The following NCS1 variants were observed in gnomAD, a reference collection of about 807,000 sequenced individuals.
NCS1 encodes the protein frequenin homolog.
Under a neutral mutation model 28.4 loss-of-function variants are expected in NCS1, and 6 were observed. That is an observed-to-expected ratio of 0.21 (90% CI 0.12 to 0.42). The LOEUF is 0.42. Ranked by LOEUF, NCS1 falls within the 10% of genes least tolerant of loss-of-function variation. NCS1 has a pLI of 1.00. For synonymous variants in NCS1, 86 were observed against 99.3 expected (o/e 0.87, Z 0.79); for missense variants, 131 against 241.4 (o/e 0.54, Z 3.03).
At chr9:130,185,977 A>G (rs1302232268) in intron 1 of NCS1, among the ~76,000 whole-genome samples, 1 of 152,196 alleles carries the variant, frequency 6.6e-6, no homozygotes, top group Non-Finnish European at 1.5e-5. Context: ...ATGATTCCCC[A>G]GCTCAGGTTC....
rs1251376881 is a variant in NCS1 at position 130,215,978 on chromosome 9, C to T, written c.90-1854C>T. On this transcript the variant is annotated intron_variant, in intron 2 of 7. Transcript: ENST00000372398. The surrounding 1 kb of genome is among the most constrained non-coding windows in gnomAD (Gnocchi z 4.2). The stretch of plus-strand genomic sequence containing the variant: ...CCCTCAACCGCCCTCACTCCGGCAG[C>T]AGCAGCCACAGTACTGGCAGGAGGC... Among the ~76,000 whole-genome samples, 2 of 152,182 alleles carry T rather than the reference C, an allele frequency of 1.3e-5. No individual in the cohort carries two copies. The highest frequency in any genetic ancestry group is 4.8e-5 in the African/African-American group (2 of 41,442).
chr9:130,225,331 C>T (rs1439822841), intron 6 of NCS1, among the ~76,000 whole-genome samples: 1 of 152,236 alleles, frequency 6.6e-6, no homozygotes, highest in Non-Finnish European at 1.5e-5. Context: ...GAGATTAGCC[C>T]ATGTTAGAGG....
chr9:130,176,206 T>TCTTTCTTTCTTTC (rs1832569205), intron 1 of NCS1, among the ~76,000 whole-genome samples: 1 of 97,320 alleles, frequency 1.0e-5, no homozygotes, highest in Non-Finnish European at 2.3e-5. Flanking sequence ...TTTTTTTTTT[T>TCTTTCTTTCTTTC]TTTGGAGACA....
rs147645452 is a variant in NCS1, at chr9:130,229,410, A to G, written c.*17+2906A>G. Among the ~76,000 whole-genome samples the G allele has an allele frequency of 9.1e-3, 1,384 of 151,980 alleles. 21 individuals carry two copies. Among genetic ancestry groups the G allele is most frequent in the African/African-American group, 0.032 (1,323 of 41,432 alleles). Reference sequence around the variant, plus strand: ...GCTGGGATTACAGGTGCTTGCCACCACGCCCGGCTAATTTTTGTACTTTTA... The same window carrying G: ...GCTGGGATTACAGGTGCTTGCCACCGCGCCCGGCTAATTTTTGTACTTTTA... On this transcript the variant is annotated intron_variant, in intron 7 of 7. Transcript: ENST00000372398.
Position 130,232,236 on chromosome 9 carries a change from C to A in NCS1, c.*18-754C>A, listed in dbSNP as rs1168421301. ...TGCTAGATTTACAGGTTTGACCCAC[C>A]ACTCCTGGCCCTCCCTGTGGCTTTG... is the stretch of plus-strand genomic sequence containing the variant. On this transcript the variant is annotated intron_variant, in intron 7 of 7. Coordinates refer to ENST00000372398, the MANE Select transcript of NCS1 (RefSeq NM_014286.4). The surrounding 1 kb of genome is among the most constrained non-coding windows in gnomAD (Gnocchi z 4.4). 6.6e-6 allele frequency among the ~76,000 whole-genome samples: 1 copy of A among 152,164 alleles called. No individual in the cohort carries two copies. Among genetic ancestry groups the A allele is most frequent in the East Asian group, 1.9e-4 (1 of 5,188 alleles).
chr9:130,213,624 C>T (rs1448974541), intron 2 of NCS1, among the ~76,000 whole-genome samples: 8 of 151,146 alleles, frequency 5.3e-5, no homozygotes, highest in Non-Finnish European at 1.0e-4. Context: ...CTCACTTTAT[C>T]GCCCAGGCTG....
At position 130,237,068 on chromosome 9, in the gene NCS1, A is replaced by C. The variant is rs1341259321; in HGVS notation, c.*4096A>C. 6.6e-6 allele frequency: 1 copy of C among 152,152 alleles called. No homozygotes were observed. The highest frequency in any genetic ancestry group is 1.5e-5 in the Non-Finnish European group (1 of 68,114). 9.4% of individuals were successfully genotyped at this position (152,152 alleles called of 1,614,324 possible). A position where few individuals can be genotyped will look rare whatever the true frequency, so the allele number is the denominator to read the frequency against. ...ATGCTTGCAAAAACAAACAAACAAA[A>C]GGCAATGTCTTCTGGTTGTGGTTAT... On this transcript the variant is annotated 3_prime_UTR_variant, in exon 8 of 8. Coordinates refer to ENST00000372398, the MANE Select transcript of NCS1 (RefSeq NM_014286.4).
chr9:130,184,110 T>C (rs1832708844), intron 1 of NCS1, among the ~76,000 whole-genome samples: 1 of 151,880 alleles, frequency 6.6e-6, no homozygotes. Context: ...GCGCCCGGCG[T>C]CTTTTCTTTT....
In NCS1 at chr9:130,219,953, T is replaced by C; in HGVS notation, c.307+150T>C. Reference sequence around the variant, plus strand: ...CAGCTGTGTCTGCAGAGGGCAGGCCTGGGCCCTGGGCAGGTGGCCCTCACA... The same window carrying C: ...CAGCTGTGTCTGCAGAGGGCAGGCCCGGGCCCTGGGCAGGTGGCCCTCACA... On this transcript the variant is annotated intron_variant, in intron 4 of 7. Coordinates refer to ENST00000372398, the MANE Select transcript of NCS1 (RefSeq NM_014286.4). The surrounding 1 kb of genome is among the most constrained non-coding windows in gnomAD (Gnocchi z 5.7). 1.2e-6 allele frequency: 1 copy of C among 863,362 alleles called. No individual in the cohort carries two copies. 53.5% of individuals were successfully genotyped at this position (863,362 alleles called of 1,614,324 possible). A position where few individuals can be genotyped will look rare whatever the true frequency, so the allele number is the denominator to read the frequency against.
chr9:130,230,934 A>ATATCCTC (rs1391536000), intron 7 of NCS1, among the ~76,000 whole-genome samples: 51 of 152,172 alleles, frequency 3.4e-4, no homozygotes, highest in African/African-American at 1.2e-3. Context: ...TAATTCCTTA[A>ATATCCTC]TATCCTCTGA....
At chr9:130,199,291 C>T (rs181823508) in intron 1 of NCS1, among the ~76,000 whole-genome samples, 23 of 152,270 alleles carry the variant, frequency 1.5e-4, no homozygotes, top group African/African-American at 5.5e-4. Flanking sequence ...GATGGGGTTT[C>T]ACCGCTTTAA....
chr9:130,205,438 G>C (rs1397214078), intron 2 of NCS1, among the ~76,000 whole-genome samples: 1 of 151,884 alleles, frequency 6.6e-6, no homozygotes, highest in Non-Finnish European at 1.5e-5. Flanking sequence ...CAGCTACTCA[G>C]GAGGCTGAGG....
At chr9:130,184,114 T>C (rs897590578) in intron 1 of NCS1, among the ~76,000 whole-genome samples, 1 of 152,188 alleles carries the variant, frequency 6.6e-6, no homozygotes, top group East Asian at 1.9e-4. Context: ...CCGGCGTCTT[T>C]TCTTTTCTTT....
intron 1 of NCS1, among the ~76,000 whole-genome samples, chr9:130,182,550 G>T (rs1261193517): frequency 1.3e-5 from 2 of 152,258 alleles, no homozygotes; most frequent in African/African-American, 4.8e-5. Context: ...AGGAGGCAGA[G>T]TTGAGGCCTT....
At chr9:130,208,430 C>G (rs1030034974) in intron 2 of NCS1, among the ~76,000 whole-genome samples, 1 of 151,990 alleles carries the variant, frequency 6.6e-6, no homozygotes, top group African/African-American at 2.4e-5. Flanking sequence ...AGGCACCCAC[C>G]ACCACGCCTG....
At chr9:130,216,715 C>CAA (rs76465819) in intron 2 of NCS1, among the ~76,000 whole-genome samples, 7 of 87,524 alleles carry the variant, frequency 8.0e-5, no homozygotes, top group Admixed American at 4.7e-4. Context: ...GACTCTGTCT[C>CAA]AAAAAAAAAA....
Position 130,209,953 on chromosome 9 carries a change from T to C in NCS1, c.90-7879T>C, listed in dbSNP as rs1274108785. Among the ~76,000 whole-genome samples, 1 of 151,542 alleles carries C rather than the reference T, an allele frequency of 6.6e-6. No homozygotes were observed. Among genetic ancestry groups the C allele is most frequent in the Non-Finnish European group, 1.5e-5 (1 of 67,944 alleles). ...GGCTCTTCTCTAATCCCCAAAGGGG[T>C]CTCTGGACCCCAAAGAGTTAAGACC... is the stretch of plus-strand genomic sequence containing the variant. On this transcript the variant is annotated intron_variant, in intron 2 of 7. Transcript: ENST00000372398. The surrounding 1 kb of genome is among the most constrained non-coding windows in gnomAD (Gnocchi z 4.4).
In NCS1 at chr9:130,192,931, C is replaced by G. The variant is rs782112476; in HGVS notation, c.65-8027C>G. 3.9e-5 allele frequency among the ~76,000 whole-genome samples: 6 copies of G among 152,240 alleles called. No individual in the cohort carries two copies. The highest frequency in any genetic ancestry group is 7.3e-5 in the Non-Finnish European group (5 of 68,040). ...TGGTTGGCACAGCTAGTAATGTCCTCTCTCACAGATGGGGAAACCGAAACC... is the reference window on the plus strand; with the variant it reads ...TGGTTGGCACAGCTAGTAATGTCCTGTCTCACAGATGGGGAAACCGAAACC... On this transcript the variant is annotated intron_variant, in intron 1 of 7. Transcript: ENST00000372398. This position sits in a 1 kb window ranked among gnomAD's most constrained non-coding sequence, Gnocchi z 4.8.
intron 2 of NCS1, among the ~76,000 whole-genome samples, chr9:130,206,871 G>T (rs1288061701): frequency 1.3e-5 from 2 of 152,084 alleles, no homozygotes; most frequent in African/African-American, 2.4e-5. Flanking sequence ...TAGGAGGGAG[G>T]GACATTCAGG....
Sources: gnomAD v4.1 joint callset for allele counts (sites outside exome capture counted in the v4.1 genomes callset) on GRCh38, gnomAD v4.1.1 for gene constraint, Gnocchi (gnomAD v3.1) non-coding constraint, MANE v1.5 for transcripts, NCBI Gene and HGNC (gene_info 2026-07-23, HGNC 2026-07-21) for gene names.